The following CORO2B variants were observed in gnomAD, a reference collection of about 807,000 sequenced individuals.
The protein encoded by CORO2B is coronin 2B, also known as coronin-2B.
A neutral mutation model predicts 58.8 loss-of-function variants in CORO2B; 26 were observed. That is an observed-to-expected ratio of 0.44 (90% confidence interval 0.32 to 0.61). The LOEUF (loss-of-function observed/expected upper bound fraction) is 0.61, where lower values mean the gene tolerates loss of function less well. CORO2B is among the 20% of genes least tolerant of loss of function. The pLI is 0.04. For missense variants in CORO2B, 460 were observed against 645.1 expected (o/e 0.71, Z 3.11); for synonymous variants, 242 against 253.8 (o/e 0.95, Z 0.44).
At chr15:68,695,281 G>A in intron 3 of CORO2B, 25 bp downstream of exon 3, 6 of 1,579,638 alleles carry the variant, frequency 3.8e-6, no homozygotes, top group African/African-American at 1.3e-5. Flanking sequence ...GCTCCCGGAG[G>A]AGGGTGGGCT....
chr15:68,679,439 C>T (rs1375681990), intron 2 of CORO2B, among the ~76,000 whole-genome samples: 2 of 152,142 alleles, frequency 1.3e-5, no homozygotes, highest in Non-Finnish European at 2.9e-5. Flanking sequence ...GGGTGACAGC[C>T]ATGACAGCCA....
the CORO2B span, among the ~76,000 whole-genome samples, chr15:68,537,575 G>A: frequency 5.3e-5 from 8 of 152,168 alleles, no homozygotes; most frequent in Middle Eastern, 3.4e-3. Context: ...GTGATTTGCT[G>A]CACCTGTCAA....
chr15:68,523,225 C>G, the CORO2B span, among the ~76,000 whole-genome samples: 1 of 151,986 alleles, frequency 6.6e-6, no homozygotes, highest in Non-Finnish European at 1.5e-5. Flanking sequence ...GGGTCTCACT[C>G]TGTCACTCAG....
chr15:68,545,618 G>T, the CORO2B span, among the ~76,000 whole-genome samples: 20 of 149,856 alleles, frequency 1.3e-4, no homozygotes, highest in East Asian at 1.6e-3. Context: ...GGGGCGGGGG[G>T]GGTAATACTG....
intron 6 of CORO2B, 54 bp from the exon 7 acceptor site, chr15:68,714,505 G>A: frequency 7.2e-7 from 1 of 1,384,702 alleles, no homozygotes; most frequent in Non-Finnish European, 1.0e-6. Context: ...GGGATTTGGG[G>A]AGGGGTATGC....
At chr15:68,546,434 G>A in the CORO2B span, among the ~76,000 whole-genome samples, 8 of 152,114 alleles carry the variant, frequency 5.3e-5, no homozygotes, top group African/African-American at 1.2e-4. Flanking sequence ...AGGGACCTGC[G>A]GGGAGTCCTG....
chr15:68,527,519 T>A, the CORO2B span, among the ~76,000 whole-genome samples: 1 of 152,196 alleles, frequency 6.6e-6, no homozygotes, highest in Admixed American at 6.5e-5. Flanking sequence ...TCTATTCCAT[T>A]GATCTATGTG....
At chr15:68,693,661 C>T (rs767647191) in intron 2 of CORO2B, among the ~76,000 whole-genome samples, 1 of 152,214 alleles carries the variant, frequency 6.6e-6, no homozygotes, top group Non-Finnish European at 1.5e-5. Context: ...GCCCCTTGTT[C>T]CATCCGTTTG....
rs577387098 is a variant in CORO2B, at chr15:68,634,459, T to C, written c.16-10701T>C. 7.6e-4 allele frequency among the ~76,000 whole-genome samples: 115 copies of C among 152,176 alleles called. 2 individuals carry two copies. Among genetic ancestry groups the C allele is most frequent in the Non-Finnish European group, 1.4e-3 (95 of 68,026 alleles). ...ACAGTATTATTTCACTGGATCCTCA[T>C]AACTATCCTAGGAAAAATATGAATT... On this transcript the variant is annotated intron_variant, in intron 1 of 11. Coordinates refer to ENST00000261861, the MANE Select transcript of CORO2B (RefSeq NM_006091.5).
the CORO2B span, among the ~76,000 whole-genome samples, chr15:68,540,783 A>G: frequency 6.6e-6 from 1 of 152,206 alleles, no homozygotes; most frequent in Non-Finnish European, 1.5e-5. Flanking sequence ...ACACACACAC[A>G]AACACACACA....
intron 8 of CORO2B, among the ~76,000 whole-genome samples, chr15:68,717,563 C>T (rs1253612344): frequency 1.3e-5 from 2 of 152,204 alleles, no homozygotes; most frequent in African/African-American, 4.8e-5. Context: ...GAATGACTCA[C>T]TTCATCCTCA....
chr15:68,623,417 T>C (rs1900580831), intron 1 of CORO2B, among the ~76,000 whole-genome samples: 1 of 152,168 alleles, frequency 6.6e-6, no homozygotes, highest in Non-Finnish European at 1.5e-5. Context: ...TGTCCATGCA[T>C]GTGGAAGCCT....
chr15:68,719,987 C>CT (rs1424280917), intron 11 of CORO2B, among the ~76,000 whole-genome samples: 1 of 152,232 alleles, frequency 6.6e-6, no homozygotes, highest in East Asian at 1.9e-4. Flanking sequence ...AAGGTGCTCT[C>CT]TGTACCACTT....
the CORO2B span, among the ~76,000 whole-genome samples, chr15:68,522,783 G>A: frequency 6.6e-6 from 1 of 152,190 alleles, no homozygotes; most frequent in South Asian, 2.1e-4. Flanking sequence ...ATTAATCACA[G>A]TTGTTTTAGT....
At chr15:68,555,839 C>G in the CORO2B span, among the ~76,000 whole-genome samples, 1 of 151,990 alleles carries the variant, frequency 6.6e-6, no homozygotes, top group South Asian at 2.1e-4. Context: ...CACAGGGGTC[C>G]CACAGGAGGG....
intron 1 of CORO2B, among the ~76,000 whole-genome samples, chr15:68,587,539 G>A (rs145729379): frequency 4.6e-5 from 7 of 152,212 alleles, no homozygotes; most frequent in African/African-American, 1.4e-4. Flanking sequence ...ATTTAGATTC[G>A]TTTAAGAAAT....
intron 8 of CORO2B, 72 bp from the exon 9 acceptor site, chr15:68,718,626 G>C (rs1893087150): frequency 7.6e-7 from 1 of 1,307,900 alleles, no homozygotes; most frequent in African/African-American, 1.4e-5. Context: ...CCCTGGCCCA[G>C]AACATCATGG....
rs774992837 is a variant in CORO2B, at chr15:68,718,835, A to G, written c.1080+25A>G. ...GGTAAGTGGGGCTGGGCTGGGCTCC[A>G]GGAGGGGGGCCTGCATCGCCTCTTA... On this transcript the variant is annotated intron_variant, in intron 9 of 11. Transcript: ENST00000261861. 6.3e-6 allele frequency: 10 copies of G among 1,581,488 alleles called. No individual in the cohort carries two copies. The East Asian group carries it at 1.6e-4, about 25-fold the overall frequency.
chr15:68,718,998 A>G, intron 9 of CORO2B, 146 bp from the exon 10 acceptor site: 1 of 830,654 alleles, frequency 1.2e-6, no homozygotes, highest in Non-Finnish European at 2.0e-6. Context: ...GCAGTCAGGT[A>G]GTTCCAGGAG....
Sources: gnomAD v4.1 joint callset for allele counts (sites outside exome capture counted in the v4.1 genomes callset) on GRCh38, gnomAD v4.1.1 for gene constraint, MANE v1.5 for transcripts, NCBI Gene and HGNC (gene_info 2026-07-23, HGNC 2026-07-21) for gene names.